The following ATL2 variants were observed in gnomAD, a reference collection of about 807,000 sequenced individuals.
The protein encoded by ATL2 is atlastin GTPase 2.
In ATL2, 31 loss-of-function variants were observed where a neutral mutation model predicts 73.9. The ratio of observed to expected loss-of-function variants is 0.42; its 90% CI spans 0.32 to 0.57. The LOEUF (loss-of-function observed/expected upper bound fraction) is 0.57, where lower values mean the gene tolerates loss of function less well. Ranked by LOEUF, ATL2 falls within the 20% of genes least tolerant of loss-of-function variation. The probability of loss-of-function intolerance (pLI) is 0.14; values close to 1 mark genes in which losing one functional copy is unlikely to be tolerated. For synonymous variants in ATL2, 291 were observed against 237.5 expected (o/e 1.23, Z -2.07); for missense variants, 738 against 702.6 (o/e 1.05, Z -0.57).
chr2:38,331,437 GAAAAA>G (rs34238912), intron 2 of ATL2, among the ~76,000 whole-genome samples: 1 of 80,336 alleles, frequency 1.2e-5, no homozygotes. Flanking sequence ...TCTGTCTCAA[GAAAAA>G]AAAAAAAAAA....
At chr2:38,373,492 A>T (rs992466513) in intron 1 of ATL2, among the ~76,000 whole-genome samples, 23 of 152,230 alleles carry the variant, frequency 1.5e-4, no homozygotes, top group Non-Finnish European at 3.4e-4. Context: ...ATCCAAGGTC[A>T]ATCAAAAGTA....
chr2:38,348,951 C>T (rs9751321), intron 1 of ATL2, among the ~76,000 whole-genome samples: 7,720 of 151,708 alleles, frequency 0.051, 649 homozygotes, highest in African/African-American at 0.18. Flanking sequence ...ATCAGAGAAA[C>T]GCAAATCAAA....
At chr2:38,369,830 C>T (rs549354910) in intron 1 of ATL2, among the ~76,000 whole-genome samples, 2 of 151,700 alleles carry the variant, frequency 1.3e-5, no homozygotes, top group Non-Finnish European at 2.9e-5. Flanking sequence ...GGTGTTTTCC[C>T]GTCAAAACTC....
chr2:38,315,564 G>A (rs1471560553), intron 4 of ATL2, among the ~76,000 whole-genome samples: 4 of 151,988 alleles, frequency 2.6e-5, no homozygotes, highest in Non-Finnish European at 5.9e-5. Context: ...CAAAAAGCAT[G>A]AATATATGTA....
chr2:38,320,632 CTAAAGTTTAG>C (rs1261175607), intron 2 of ATL2, among the ~76,000 whole-genome samples: 1 of 152,132 alleles, frequency 6.6e-6, no homozygotes, highest in East Asian at 1.9e-4. Context: ...GTCAAGATCC[CTAAAGTTTAG>C]TATACTTAAA....
intron 5 of ATL2, among the ~76,000 whole-genome samples, 166 bp downstream of exon 5, chr2:38,315,118 G>A (rs1045016723): frequency 6.6e-6 from 1 of 152,142 alleles, no homozygotes; most frequent in African/African-American, 2.4e-5. Flanking sequence ...AGGCATGGTG[G>A]CACATGCCTG....
chr2:38,348,030 G>C (rs948974099), intron 1 of ATL2, among the ~76,000 whole-genome samples: 1 of 151,668 alleles, frequency 6.6e-6, no homozygotes, highest in Non-Finnish European at 1.5e-5. Flanking sequence ...GCCTCCCAAA[G>C]TACTAGGATT....
In ATL2 at chr2:38,315,325, G is replaced by A; in HGVS notation, c.613C>T (p.Leu205=). 1 of 1,500,082 alleles carries A rather than the reference G, an allele frequency of 6.7e-7. No homozygotes were observed. Among genetic ancestry groups the A allele is most frequent in the Non-Finnish European group, 8.8e-7 (1 of 1,135,090 alleles). 92.9% of individuals were successfully genotyped at this position (1,500,082 alleles called of 1,614,324 possible). Residue 205 remains leucine (L), a synonymous_variant, in exon 5 of 13, where the codon CTG becomes TTG. Transcript: ENST00000378954. ...TCATCTTCTTGAATATTCTGAGACA[G>A]ATTATATACCTGTTGAAACAAAATT... ...TMTSSVQVYN[L]SQNIQEDDLQ... is the part of the protein sequence containing the mutation.
At chr2:38,358,567 CT>C in intron 1 of ATL2, 1 of 329,580 alleles carries the variant, frequency 3.0e-6, no homozygotes, top group East Asian at 1.4e-4. Context: ...TGGCAGGCGC[CT>C]GTAGTCCCAG....
At chr2:38,338,221 T>A (rs11889842) in intron 2 of ATL2, among the ~76,000 whole-genome samples, 37,944 of 152,022 alleles carry the variant, frequency 0.25, 4,794 homozygotes, top group South Asian at 0.37. Context: ...GAAAACCAAA[T>A]ACCACGATTT....
At chr2:38,343,889 A>G (rs1669871759) in intron 1 of ATL2, among the ~76,000 whole-genome samples, 1 of 152,168 alleles carries the variant, frequency 6.6e-6, no homozygotes, top group African/African-American at 2.4e-5. Flanking sequence ...TCCCTGCACA[A>G]GCTCTCTTCT....
At chr2:38,369,226 G>C (rs747906159) in intron 1 of ATL2, among the ~76,000 whole-genome samples, 1 of 151,832 alleles carries the variant, frequency 6.6e-6, no homozygotes, top group African/African-American at 2.4e-5. Context: ...AAGGTGGGTG[G>C]ATCACCTGAG....
intron 6 of ATL2, 61 bp downstream of exon 6, chr2:38,314,547 C>G: frequency 1.6e-6 from 2 of 1,225,626 alleles, no homozygotes; most frequent in Non-Finnish European, 2.4e-6. Flanking sequence ...AAATTACAAA[C>G]TGAGGTGGCT....
At chr2:38,378,302 T>C (rs867125473), upstream of ATL2, among the ~76,000 whole-genome samples, 4 of 152,300 alleles carry the variant, frequency 2.6e-5, no homozygotes, top group South Asian at 8.3e-4. Flanking sequence ...CAAAATACCA[T>C]TCTAGGTAGG....
intron 12 of ATL2, 39 bp downstream of exon 12, chr2:38,298,105 T>C (rs773901016): frequency 1.5e-5 from 23 of 1,529,616 alleles, no homozygotes; most frequent in South Asian, 5.0e-5. Context: ...CACAGGAAAA[T>C]AAGATTAGTC....
intron 2 of ATL2, among the ~76,000 whole-genome samples, chr2:38,334,796 C>T (rs1329182205): frequency 1.5e-5 from 2 of 130,002 alleles, no homozygotes; most frequent in African/African-American, 2.7e-5. Context: ...CATTTTGTTA[C>T]ATAAGTTCTA....
chr2:38,376,026 C>T, intron 1 of ATL2: 2 of 1,337,786 alleles, frequency 1.5e-6, no homozygotes, highest in East Asian at 5.2e-5. Flanking sequence ...TTTTATCCAG[C>T]AAAACCTTTA....
chr2:38,315,015 G>A (rs1667953273), intron 5 of ATL2, among the ~76,000 whole-genome samples: 2 of 152,258 alleles, frequency 1.3e-5, no homozygotes, highest in African/African-American at 4.8e-5. Flanking sequence ...ACTTTGGGAG[G>A]CCGAGGCGGG....
intron 1 of ATL2, among the ~76,000 whole-genome samples, chr2:38,351,568 A>T (rs988399017): frequency 6.6e-6 from 1 of 150,916 alleles, no homozygotes; most frequent in African/African-American, 2.4e-5. Context: ...ATCTCGGCTC[A>T]CTACAACCTC....
Sources: gnomAD v4.1 joint callset for allele counts (sites outside exome capture counted in the v4.1 genomes callset) on GRCh38, gnomAD v4.1.1 for gene constraint, MANE v1.5 for transcripts, NCBI Gene and HGNC (gene_info 2026-07-23, HGNC 2026-07-21) for gene names.